The following KEL variants were observed in gnomAD, a reference collection of about 807,000 sequenced individuals.
KEL encodes kell blood group glycoprotein.
KEL carries 96 observed loss-of-function variants against 99.5 expected under a neutral mutation model. The observed-to-expected ratio is 0.97, with a 90% CI of 0.82 to 1.14. The LOEUF is 1.14. KEL is among the 50% of genes most tolerant of loss of function. The pLI, the probability that KEL is intolerant of heterozygous loss-of-function variation, is 0.00. For missense variants in KEL, 926 were observed against 924.2 expected, an observed-to-expected ratio of 1.00 and a Z score of -0.03; for synonymous variants, 355 against 354.8, an observed-to-expected ratio of 1.00 and a Z score of -0.01.
At chr7:142,953,049 C>G (rs1796729271) in intron 9 of KEL, among the ~76,000 whole-genome samples, 2 of 152,174 alleles carry the variant, frequency 1.3e-5, no homozygotes, top group African/African-American at 4.8e-5. Flanking sequence ...GCATTGCACC[C>G]TTATGTAAGC....
rs138645069 is a variant in KEL, at chr7:142,957,763, G to A, written c.672+64C>T. ...TCCCAACCTGCAACCTTCCTCTAAG[G>A]GATGATTGGCTAGAGTTGGAGGCAG... On this transcript the variant is annotated intron_variant, in intron 6 of 18. Coordinates refer to ENST00000355265, the MANE Select transcript of KEL (RefSeq NM_000420.3). 1.8e-5 allele frequency: 29 copies of A among 1,597,224 alleles called. No individual in the cohort carries two copies. In the East Asian group the frequency reaches 4.2e-4, roughly 23 times the overall value.
chr7:142,945,928 C>T (rs1056098938), intron 11 of KEL: 5 of 513,708 alleles, frequency 9.7e-6, no homozygotes, highest in South Asian at 2.2e-5. Context: ...GAGCCTGGCT[C>T]GATTTTCTCA....
chr7:142,946,668 CCCA>C (rs1409802848), intron 10 of KEL: 6 of 357,076 alleles, frequency 1.7e-5, no homozygotes, highest in African/African-American at 4.1e-5. Flanking sequence ...CCCCTGTTCC[CCCA>C]CCACCACTCT....
intron 5 of KEL, 116 bp from the exon 6 acceptor site, chr7:142,958,089 C>T: frequency 1.4e-6 from 2 of 1,389,972 alleles, no homozygotes; most frequent in Non-Finnish European, 2.0e-6. Flanking sequence ...CCCTTCGATT[C>T]CTCTAGGAAG....
intron 9 of KEL, chr7:142,953,223 G>T: frequency 2.7e-6 from 1 of 372,964 alleles, no homozygotes; most frequent in Non-Finnish European, 3.7e-6. Flanking sequence ...CCAACAAAGA[G>T]CCACTCTTTC....
chr7:142,951,800 A>C (rs953814340), intron 10 of KEL, among the ~76,000 whole-genome samples: 4 of 152,116 alleles, frequency 2.6e-5, no homozygotes, highest in African/African-American at 9.7e-5. Context: ...ACCACAAATT[A>C]CTAAGAAAAA....
chr7:142,952,564 T>C lies in KEL; in HGVS notation c.1148A>G (p.Glu383Gly). The C allele has an allele frequency of 1.2e-6, 2 of 1,614,150 alleles. No individual in the cohort carries two copies. Among genetic ancestry groups the C allele is most frequent in the Non-Finnish European group, 1.7e-6 (2 of 1,180,026 alleles). ...TTTCTGGCTGAGCTTTCTGCGTGCC[T>C]CCTGGAATTGACTGTCCAGGGCTGG... The part of the protein sequence containing the change: ...LSPALDSQFQ[E>G]ARRKLSQKLR... Residue 383 changes from glutamate (E) to glycine (G), a missense_variant, in exon 10 of 19, where the codon GAG (glutamate) becomes GGG (glycine). Coordinates refer to ENST00000355265, the MANE Select transcript of KEL (RefSeq NM_000420.3).
chr7:142,953,442 A>G (rs979388898), intron 9 of KEL: 50 of 948,614 alleles, frequency 5.3e-5, no homozygotes, highest in Non-Finnish European at 5.8e-5. Context: ...CTCAGCTGCT[A>G]AAAAGACATA....
chr7:142,955,189 A>G (rs1057505217), intron 6 of KEL, among the ~76,000 whole-genome samples: 1 of 152,216 alleles, frequency 6.6e-6, no homozygotes, highest in Non-Finnish European at 1.5e-5. Context: ...AAAACTCAGT[A>G]ATCAAGATAA....
At chr7:142,950,727 T>C (rs1308223079) in intron 10 of KEL, among the ~76,000 whole-genome samples, 1 of 152,236 alleles carries the variant, frequency 6.6e-6, no homozygotes, top group African/African-American at 2.4e-5. Flanking sequence ...ACCAACCATT[T>C]ATGGATCACG....
Position 142,961,065 on chromosome 7 carries a change from T to C in KEL, c.263A>G (p.His88Arg), listed in dbSNP as rs772758253. 3 of 1,614,006 alleles carry C rather than the reference T, an allele frequency of 1.9e-6. No homozygotes were observed. Among genetic ancestry groups the C allele is most frequent in the Non-Finnish European group, 2.5e-6 (3 of 1,180,046 alleles). ...ETSVCLDLRD[H>R]YLASGNTSVA... ...ACTTGTGTTCCCAGAGGCCAGGTAATGATCCCGGAGATCCAAACACACAGA... is the reference window on the plus strand; with the variant it reads ...ACTTGTGTTCCCAGAGGCCAGGTAACGATCCCGGAGATCCAAACACACAGA... The change falls in exon 4 of 19, where the codon CAT (histidine) becomes CGT (arginine). Residue 88 changes from histidine to arginine, a missense_variant. His to Arg is a conservative substitution (Grantham distance 29, BLOSUM62 0). Transcript: ENST00000355265.
At chr7:142,943,115 G>C in intron 16 of KEL, 71 bp from the exon 17 acceptor site, 2 of 1,586,410 alleles carry the variant, frequency 1.3e-6, no homozygotes, top group Non-Finnish European at 1.7e-6. Flanking sequence ...TGAGGATGTG[G>C]GTGGTACCAC....
chr7:142,942,413 C>G, intron 18 of KEL, 21 bp downstream of exon 18: 1 of 1,533,638 alleles, frequency 6.5e-7, no homozygotes, highest in South Asian at 1.2e-5. Flanking sequence ...CAAGCTGTGG[C>G]GGGAGGTGGC....
At chr7:142,961,223 T>G in intron 3 of KEL, 119 bp from the exon 4 acceptor site, 2 of 1,509,442 alleles carry the variant, frequency 1.3e-6, no homozygotes, top group Non-Finnish European at 1.8e-6. Context: ...AAAGAAATGG[T>G]TAGGATGCAG....
At chr7:142,946,541 A>C in intron 10 of KEL, 1 of 594,436 alleles carries the variant, frequency 1.7e-6, no homozygotes, top group Non-Finnish European at 3.0e-6. Context: ...TAAATCCTTC[A>C]TGTTATTGCC....
At chr7:142,944,856 T>A (rs1207959430) in intron 11 of KEL, 115 bp from the exon 12 acceptor site, 2 of 790,120 alleles carry the variant, frequency 2.5e-6, no homozygotes, top group East Asian at 5.3e-5. Context: ...CTGCCTGGGC[T>A]GGAGCTGCTG....
intron 4 of KEL, 128 bp downstream of exon 4, chr7:142,960,800 C>T (rs988000874): frequency 4.7e-5 from 46 of 988,150 alleles, no homozygotes; most frequent in Non-Finnish European, 7.1e-5. Context: ...ATCATCCACC[C>T]GTATAATCCC....
rs1428107947 is a variant in KEL at position 142,961,452 on chromosome 7, A to T, written c.131T>A (p.Val44Glu). 6.2e-7 allele frequency: 1 copy of T among 1,612,260 alleles called. No individual in the cohort carries two copies. The highest frequency in any genetic ancestry group is 8.5e-7 in the Non-Finnish European group (1 of 1,179,326). ...LPVEGSRPWA[V>E]ARRVLTAILI... ...GATAGCTGTCAGCACCCGCCTGGCCACTGCCCATGGCCTGCTCCCTTCCAC... is the reference window on the plus strand; with the variant it reads ...GATAGCTGTCAGCACCCGCCTGGCCTCTGCCCATGGCCTGCTCCCTTCCAC... The change falls in exon 3 of 19, where the codon GTG (valine) becomes GAG (glutamate). Residue 44 changes from valine to glutamate, a missense_variant. Physicochemically the swap from Val to Glu is moderately radical, Grantham distance 121. Coordinates refer to ENST00000355265, the MANE Select transcript of KEL (RefSeq NM_000420.3).
At chr7:142,961,528 A>T (rs749866126) in intron 2 of KEL, 27 bp from the exon 3 acceptor site, 1 of 1,577,204 alleles carries the variant, frequency 6.3e-7, no homozygotes, top group South Asian at 1.1e-5. Flanking sequence ...GAGGTGAAAG[A>T]TACAAGATGG....
Sources: gnomAD v4.1 joint callset for allele counts (sites outside exome capture counted in the v4.1 genomes callset) on GRCh38, gnomAD v4.1.1 for gene constraint, MANE v1.5 for transcripts, NCBI Gene and HGNC (gene_info 2026-07-23, HGNC 2026-07-21) for gene names.